The following TAF3 variants were observed in gnomAD, a reference collection of about 807,000 sequenced individuals.
The protein encoded by TAF3 is TATA-box binding protein associated factor 3.
In TAF3, 7 loss-of-function variants were observed where a neutral mutation model predicts 80.6. The observed-to-expected ratio is 0.09, with a 90% CI of 0.05 to 0.16. The LOEUF (loss-of-function observed/expected upper bound fraction) is 0.16, where lower values mean the gene tolerates loss of function less well. TAF3 is among the 10% of genes least tolerant of loss of function. The pLI, the probability that TAF3 is intolerant of heterozygous loss-of-function variation, is 1.00. For missense variants in TAF3, 921 were observed against 1,140.2 expected (o/e 0.81, Z 2.77); for synonymous variants, 444 against 446.1 (o/e 1.00, Z 0.06).
Position 7,965,693 on chromosome 10 carries a change from G to A in TAF3, c.2183G>A (p.Arg728Lys). The change falls in exon 3 of 7, where the codon AGA becomes AAA. Residue 728 changes from arginine (R) to lysine (K), a missense_variant. By Grantham distance (26) the Arg-to-Lys change is conservative. Around this residue, in one of 6 missense-constraint regions of TAF3, gnomAD observed 743 missense variants for 821.0 expected, o/e 0.90. Transcript: ENST00000344293. ...KKEKEREKEK[R>K]EREKREKEKE... ...GAGAAGGAAAGAGAGAAAGAGAAGA[G>A]AGAGCGAGAGAAGAGAGAAAAAGAG... The A allele has an allele frequency of 6.4e-7, 1 of 1,555,604 alleles. No homozygotes were observed. The highest frequency in any genetic ancestry group is 1.3e-5 in the South Asian group (1 of 79,522).
At chr10:7,885,486 C>T (rs975471825) in intron 2 of TAF3, among the ~76,000 whole-genome samples, 1 of 152,062 alleles carries the variant, frequency 6.6e-6, no homozygotes, top group African/African-American at 2.4e-5. Context: ...AAGTGTTGCT[C>T]CTGCATTTTG....
rs1836859145 is a variant in TAF3, at chr10:7,837,169, C to T, written c.409+12609C>T. ...CTTGAAGTCAGGAGTTCAAGACCAGCCTGGCCAACAGGGTGAAATCCTGTC... is the reference window on the plus strand; with the variant it reads ...CTTGAAGTCAGGAGTTCAAGACCAGTCTGGCCAACAGGGTGAAATCCTGTC... On this transcript the variant is annotated intron_variant, in intron 2 of 6. Transcript: ENST00000344293. 1.3e-5 allele frequency among the ~76,000 whole-genome samples: 2 copies of T among 152,166 alleles called. 1 individual carries two copies.
chr10:7,878,383 G>A (rs963297887), intron 2 of TAF3, among the ~76,000 whole-genome samples: 23 of 152,112 alleles, frequency 1.5e-4, no homozygotes, highest in Admixed American at 1.1e-3. Flanking sequence ...AAGAATCCAG[G>A]CCCTCAGAGC....
intron 4 of TAF3, among the ~76,000 whole-genome samples, chr10:8,008,721 C>T (rs547468739): frequency 6.6e-6 from 1 of 152,172 alleles, no homozygotes; most frequent in East Asian, 1.9e-4. Context: ...TCAGGCCCCC[C>T]CGAGGACTCA....
intron 2 of TAF3, among the ~76,000 whole-genome samples, chr10:7,876,510 A>G (rs2131150413): frequency 6.6e-6 from 1 of 152,340 alleles, no homozygotes; most frequent in Middle Eastern, 3.4e-3. Context: ...TTATTGTAGC[A>G]GGAGTTCCTG....
chr10:7,962,762 G>T (rs897021601), intron 2 of TAF3, among the ~76,000 whole-genome samples: 2 of 152,162 alleles, frequency 1.3e-5, no homozygotes, highest in African/African-American at 4.8e-5. Flanking sequence ...CACTTTATCT[G>T]TCTGTGGCAC....
intron 2 of TAF3, among the ~76,000 whole-genome samples, chr10:7,839,375 T>G (rs1319527344): frequency 6.6e-6 from 1 of 152,210 alleles, no homozygotes. Context: ...ACCATTTTTT[T>G]GGCAGAAAAC....
rs548405582 is a variant in TAF3 at position 7,954,701 on chromosome 10, C to A, written c.410-9219C>A. Reference sequence around the variant, plus strand: ...AGTCCTAGTTAACACAGAGCTCTCCCTAGTGAGATTCAGAGTGCACTCCAT... The same window carrying A: ...AGTCCTAGTTAACACAGAGCTCTCCATAGTGAGATTCAGAGTGCACTCCAT... On this transcript the variant is annotated intron_variant, in intron 2 of 6. Transcript: ENST00000344293. 6.5e-3 allele frequency among the ~76,000 whole-genome samples: 653 copies of A among 101,206 alleles called. 1 individual carries two copies. Among genetic ancestry groups the A allele is most frequent in the Middle Eastern group, 0.037 (4 of 108 alleles). The allele number at this position is 101,206 out of a possible 152,430, so 66.4% of individuals were successfully genotyped here.
Position 7,863,688 on chromosome 10 carries a change from C to CATATATATAT in TAF3, c.409+39129_409+39130insTATATATATA, listed in dbSNP as rs1564350883. ...ATATACACACATATATATATATACA[C>CATATATATAT]ACACATATATATATATACACATATA... On this transcript the variant is annotated intron_variant, in intron 2 of 6. Transcript: ENST00000344293. Among the ~76,000 whole-genome samples the CATATATATAT allele has an allele frequency of 1.9e-4, 12 of 62,584 alleles. 1 individual carries two copies. The highest frequency in any genetic ancestry group is 7.1e-4 in the Admixed American group (4 of 5,598). 41.1% of individuals were successfully genotyped at this position (62,584 alleles called of 152,430 possible).
intron 2 of TAF3, among the ~76,000 whole-genome samples, chr10:7,878,233 T>C (rs1837328287): frequency 6.6e-6 from 1 of 152,172 alleles, no homozygotes; most frequent in Non-Finnish European, 1.5e-5. Context: ...TAATATAAAA[T>C]AGCAAATGCA....
intron 4 of TAF3, among the ~76,000 whole-genome samples, chr10:7,993,647 A>C (rs1330786205): frequency 1.3e-5 from 2 of 152,146 alleles, no homozygotes; most frequent in African/African-American, 4.8e-5. Context: ...ATTTAAGTTC[A>C]TTCTTTTTTT....
intron 2 of TAF3, among the ~76,000 whole-genome samples, chr10:7,899,748 T>C (rs1166774830): frequency 6.6e-6 from 1 of 152,214 alleles, no homozygotes; most frequent in Non-Finnish European, 1.5e-5. Flanking sequence ...ATTAAATAAA[T>C]CATGTTTTTG....
Position 7,965,490 on chromosome 10 carries a change from G to A in TAF3, c.1980G>A (p.Glu660=), listed in dbSNP as rs1169714659. The change falls in exon 3 of 7, where the codon GAG becomes GAA. Residue 660 remains glutamate (E), a synonymous_variant. Transcript: ENST00000344293. ...CCCCACTGGTGTTGCCCCCAAAAGA[G>A]TTGGCCCTGCCCTTGTTCAGCCCTG... ...PAPPLVLPPK[E]LALPLFSPAT... The A allele has an allele frequency of 6.2e-7, 1 of 1,607,862 alleles. No individual in the cohort carries two copies. The highest frequency in any genetic ancestry group is 1.7e-5 in the Admixed American group (1 of 58,424).
intron 4 of TAF3, 63 bp downstream of exon 4, chr10:7,977,386 T>G: frequency 6.6e-7 from 1 of 1,507,672 alleles, no homozygotes; most frequent in Non-Finnish European, 9.2e-7. Context: ...TACTCTTTCC[T>G]AAGGGACTTA....
chr10:7,954,313 A>C (rs575542056), intron 2 of TAF3, among the ~76,000 whole-genome samples: 50 of 136,716 alleles, frequency 3.7e-4, no homozygotes, highest in Non-Finnish European at 4.6e-4. Context: ...TTCAGAGTGC[A>C]CTCCATAGGC....
intron 2 of TAF3, among the ~76,000 whole-genome samples, chr10:7,844,949 C>T (rs898772825): frequency 6.6e-6 from 1 of 152,104 alleles, no homozygotes; most frequent in Non-Finnish European, 1.5e-5. Flanking sequence ...CATCAAATAT[C>T]TTTGCACATG....
chr10:7,975,106 A>G, intron 3 of TAF3: 2 of 301,820 alleles, frequency 6.6e-6, no homozygotes, highest in Non-Finnish European at 1.3e-5. Flanking sequence ...TGAGATGAAA[A>G]TAATTCGTGG....
chr10:7,906,499 A>G (rs10905243), intron 2 of TAF3, among the ~76,000 whole-genome samples: 29,953 of 152,002 alleles, frequency 0.2, 3,062 homozygotes, highest in East Asian at 0.3. Context: ...CGGAGGAGAA[A>G]AGCCAGAAAA....
intron 2 of TAF3, among the ~76,000 whole-genome samples, chr10:7,925,924 A>G (rs974139288): frequency 1.3e-5 from 2 of 152,106 alleles, no homozygotes; most frequent in Non-Finnish European, 2.9e-5. Context: ...ATCTCTTAAG[A>G]CTGGTAAGGC....
Sources: gnomAD v4.1 joint callset for allele counts (sites outside exome capture counted in the v4.1 genomes callset) on GRCh38, gnomAD v4.1.1 for gene constraint, gnomAD v4.1.1 regional missense constraint, MANE v1.5 for transcripts, NCBI Gene and HGNC (gene_info 2026-07-23, HGNC 2026-07-21) for gene names.